CSMD1: variants seen among roughly 807,000 people sequenced by gnomAD.
The protein encoded by CSMD1 is CUB and Sushi multiple domains 1, also known as CUB and sushi domain-containing protein 1.
A neutral mutation model predicts 417.5 loss-of-function variants in CSMD1; 213 were observed. That is an observed-to-expected ratio of 0.51 (90% CI 0.46 to 0.57). CSMD1 has a LOEUF of 0.57. CSMD1 is among the 20% of genes least tolerant of loss of function. The probability of loss-of-function intolerance (pLI) is 0.00; values close to 1 mark genes in which losing one functional copy is unlikely to be tolerated. For missense variants in CSMD1, 6,923 were observed against 4,529.7 expected (o/e 1.53, Z -15.17); for synonymous variants, 2,862 against 1,736.8 (o/e 1.65, Z -16.11).
chr8:3,804,207 C>A (rs754361911), intron 5 of CSMD1, among the ~76,000 whole-genome samples: 26 of 152,124 alleles, frequency 1.7e-4, no homozygotes, highest in Non-Finnish European at 3.2e-4. Context: ...GTTGGGATTA[C>A]AAGTGTGAGC....
intron 5 of CSMD1, among the ~76,000 whole-genome samples, chr8:3,993,836 G>A (rs1814947562): frequency 6.6e-6 from 1 of 152,192 alleles, no homozygotes; most frequent in Non-Finnish European, 1.5e-5. Flanking sequence ...TGTTCTTCCA[G>A]GTACTCTGCA....
intron 7 of CSMD1, among the ~76,000 whole-genome samples, chr8:3,650,017 G>A (rs987913198): frequency 6.6e-6 from 1 of 152,196 alleles, no homozygotes; most frequent in African/African-American, 2.4e-5. Context: ...GGTGGCTCAT[G>A]CCTGGAATCC....
In CSMD1 at chr8:3,936,208, G is replaced by T. The variant is rs117374032; in HGVS notation, c.818+61695C>A. ...AGAAAAAAAAAAAAAAGCCATCTGC[G>T]TAACATAAAAGGGCAAGGTAAAGCA... On this transcript the variant is annotated intron_variant, in intron 5 of 69. Transcript: ENST00000635120. Among the ~76,000 whole-genome samples the T allele has an allele frequency of 8.9e-3, 1,334 of 150,414 alleles. 20 individuals are homozygous for T. Among genetic ancestry groups the T allele is most frequent in the African/African-American group, 0.03 (1,244 of 41,144 alleles).
At chr8:4,756,557 C>T (rs1159460978) in intron 1 of CSMD1, among the ~76,000 whole-genome samples, 2 of 152,178 alleles carry the variant, frequency 1.3e-5, no homozygotes, top group East Asian at 3.8e-4. Flanking sequence ...ATGTATAATG[C>T]TATTGAAATA....
chr8:3,359,280 A>C lies in CSMD1; in HGVS notation c.3176T>G (p.Phe1059Cys). ...GVPAFSRRIGFHFGVGDSLTF... is the reference protein window; with the variant it reads ...GVPAFSRRIGCHFGVGDSLTF... ...CAGAGAGTCTCCCACACCAAAGTGA[A>C]AACCAATTCTTCGGCTGAAGGCAGG... is the stretch of plus-strand genomic sequence containing the variant. The change falls in exon 21 of 70, where the codon TTT becomes TGT. Residue 1059 changes from phenylalanine to cysteine, a missense_variant. Transcript: ENST00000635120. 6.2e-7 allele frequency: 1 copy of C among 1,613,954 alleles called. No homozygotes were observed. Among genetic ancestry groups the C allele is most frequent in the Non-Finnish European group, 8.5e-7 (1 of 1,179,878 alleles).
intron 51 of CSMD1, among the ~76,000 whole-genome samples, chr8:3,026,193 G>C (rs1269575215): frequency 6.6e-6 from 1 of 152,178 alleles, no homozygotes; most frequent in Non-Finnish European, 1.5e-5. Flanking sequence ...GAGAGGGCCT[G>C]GTGGGGTGGG....
At chr8:4,651,693 C>A (rs1182934473) in intron 1 of CSMD1, among the ~76,000 whole-genome samples, 1 of 152,132 alleles carries the variant, frequency 6.6e-6, no homozygotes, top group African/African-American at 2.4e-5. Context: ...GATATTCTGT[C>A]ATTATTATTT....
rs191881393 is a variant in CSMD1, at chr8:3,387,551, C to T, written c.2725G>A (p.Glu909Lys). The stretch of plus-strand genomic sequence containing the variant: ...TGGTTCCTCTCACAGACGAGGGGCT[C>T]GTCGTCACTTAGTGTGTACCCCGGG... Reference protein sequence around the residue: ...CDPGYTLSDDEPLVCERNHQW... With the variant: ...CDPGYTLSDDKPLVCERNHQW... Residue 909 changes from glutamate to lysine, a missense_variant, in exon 18 of 70, where the codon GAG becomes AAG. Transcript: ENST00000635120. 5.1e-5 allele frequency: 81 copies of T among 1,601,732 alleles called. 1 individual carries two copies. In the Admixed American group the frequency reaches 1.3e-3, roughly 26 times the overall value.
chr8:2,963,260 C>G lies in CSMD1; in HGVS notation c.9416G>C (p.Gly3139Ala), dbSNP rs1585059024. 2 of 1,613,862 alleles carry G rather than the reference C, an allele frequency of 1.2e-6. No homozygotes were observed. Among genetic ancestry groups the G allele is most frequent in the Non-Finnish European group, 1.7e-6 (2 of 1,179,858 alleles). ...GATCTCTCCTTTCCACACCCCGCGACCTTCACAGGAGAGGATGGCGGAGTG... is the reference window on the plus strand; with the variant it reads ...GATCTCTCCTTTCCACACCCCGCGAGCTTCACAGGAGAGGATGGCGGAGTG... ...LSHSAILSCE[G>A]RGVWKGEIPQ... The change falls in exon 60 of 70, where the codon GGT becomes GCT. Residue 3139 changes from glycine (G) to alanine (A), a missense_variant. Physicochemically the swap from Gly to Ala is moderately conservative, Grantham distance 60 (BLOSUM62 0). Transcript: ENST00000635120.
At chr8:3,850,006 T>TGTTGGCCAG (rs113153454) in intron 5 of CSMD1, among the ~76,000 whole-genome samples, 25,701 of 151,686 alleles carry the variant, frequency 0.17, 2,393 homozygotes, top group East Asian at 0.39. Context: ...AGTTTCACGA[T>TGTTGGCCAG]GTTGGTCTCA....
chr8:4,169,234 T>G (rs1267846508), intron 3 of CSMD1, among the ~76,000 whole-genome samples: 1 of 152,110 alleles, frequency 6.6e-6, no homozygotes, highest in Non-Finnish European at 1.5e-5. Context: ...CCAGCAGTGT[T>G]CTCAATACTG....
At chr8:4,887,610 C>CT (rs1244859235) in intron 1 of CSMD1, among the ~76,000 whole-genome samples, 2 of 151,796 alleles carry the variant, frequency 1.3e-5, no homozygotes, top group African/African-American at 4.8e-5. Context: ...CTTTTTAATT[C>CT]TATTGGTTTT....
chr8:4,732,935 C>G (rs900055558), intron 1 of CSMD1, among the ~76,000 whole-genome samples: 3 of 151,904 alleles, frequency 2.0e-5, no homozygotes, highest in African/African-American at 7.3e-5. Context: ...CGGGAGGCAG[C>G]AAGGGCGGAG....
intron 3 of CSMD1, among the ~76,000 whole-genome samples, chr8:4,129,122 T>C (rs927280001): frequency 6.6e-6 from 1 of 152,046 alleles, no homozygotes; most frequent in East Asian, 1.9e-4. Context: ...TTTTTATTGT[T>C]GTTGTTGCTT....
intron 1 of CSMD1, among the ~76,000 whole-genome samples, chr8:4,872,359 G>A (rs555541307): frequency 5.3e-5 from 8 of 152,164 alleles, no homozygotes; most frequent in African/African-American, 1.9e-4. Flanking sequence ...GAAGAGAACA[G>A]GTGGAGGTAA....
intron 2 of CSMD1, among the ~76,000 whole-genome samples, chr8:4,488,182 G>C (rs1286280975): frequency 2.0e-5 from 3 of 152,150 alleles, no homozygotes; most frequent in African/African-American, 4.8e-5. Context: ...AGAACTGTGA[G>C]AAATAAGTTT....
At chr8:4,549,613 G>A (rs1311926228) in intron 2 of CSMD1, among the ~76,000 whole-genome samples, 1 of 152,066 alleles carries the variant, frequency 6.6e-6, no homozygotes, top group African/African-American at 2.4e-5. Flanking sequence ...GAATGGCCGG[G>A]CGCGGTGGCT....
chr8:3,339,590 T>G lies in CSMD1; in HGVS notation c.3631+3704A>C, dbSNP rs117441604. Among the ~76,000 whole-genome samples, 274 of 152,320 alleles carry G rather than the reference T, an allele frequency of 1.8e-3. 2 individuals are homozygous for G. The highest frequency in any genetic ancestry group is 2.5e-3 in the Non-Finnish European group (171 of 68,032). ...AAGCTGGTCCATGTACCGGAAACCC[T>G]ATGTCAATATCAATAAATTACTCTC... On this transcript the variant is annotated intron_variant, in intron 23 of 69. Transcript: ENST00000635120.
chr8:3,259,395 A>C (rs1241167410), intron 26 of CSMD1, among the ~76,000 whole-genome samples: 1 of 151,354 alleles, frequency 6.6e-6, no homozygotes, highest in Non-Finnish European at 1.5e-5. Context: ...GTTTACGGAC[A>C]CTCAGTAATC....
Sources: allele counts gnomAD v4.1 joint callset (sites outside exome capture counted in the v4.1 genomes callset), GRCh38; gene constraint gnomAD v4.1.1; transcripts MANE v1.5; gene names NCBI Gene and HGNC (gene_info 2026-07-23, HGNC 2026-07-21).